The following CASD1 variants were observed in gnomAD, a reference collection of about 807,000 sequenced individuals.
The protein encoded by CASD1 is N-acetylneuraminate (7)9-O-acetyltransferase.
A neutral mutation model predicts 100.0 loss-of-function variants in CASD1; 41 were observed. The ratio of observed to expected loss-of-function variants is 0.41; its 90% CI spans 0.32 to 0.53. The LOEUF is 0.53. Ranked by LOEUF, CASD1 falls within the 20% of genes least tolerant of loss-of-function variation. The probability of loss-of-function intolerance (pLI) is 0.25; values close to 1 mark genes in which losing one functional copy is unlikely to be tolerated. For missense variants in CASD1, 774 were observed against 948.7 expected, an observed-to-expected ratio of 0.82 and a Z score of 2.42; for synonymous variants, 321 against 315.6, an observed-to-expected ratio of 1.02 and a Z score of -0.18.
At chr7:94,561,180 A>G (rs1796333521), downstream of CASD1, among the ~76,000 whole-genome samples, 1 of 152,068 alleles carries the variant, frequency 6.6e-6, no homozygotes, top group Admixed American at 6.6e-5. Context: ...CCAGAGGCAG[A>G]GGTTGCAATG....
chr7:94,511,848 C>G (rs535943132), intron 1 of CASD1, among the ~76,000 whole-genome samples: 2 of 152,228 alleles, frequency 1.3e-5, no homozygotes, highest in East Asian at 3.9e-4. Context: ...CAAGATCTGT[C>G]ATCAGCAGGG....
Position 94,555,826 on chromosome 7 carries a change from T to A in CASD1, c.*68T>A. 1.4e-6 allele frequency: 2 copies of A among 1,453,292 alleles called. No individual in the cohort carries two copies. Among genetic ancestry groups the A allele is most frequent in the South Asian group, 2.6e-5 (2 of 75,950 alleles). The allele number at this position is 1,453,292 out of a possible 1,614,324, so 90.0% of individuals were successfully genotyped here. A position where few individuals can be genotyped will look rare whatever the true frequency, so the allele number is the denominator to read the frequency against. ...TGTGTGTCTCTAGAAGAGAAAAGCA[T>A]CTATCTGGAGATATAAATGTGTATG... On this transcript the variant is annotated 3_prime_UTR_variant, in exon 18 of 18. Transcript: ENST00000297273.
chr7:94,517,731 A>C, intron 2 of CASD1, 75 bp downstream of exon 2: 1 of 849,498 alleles, frequency 1.2e-6, no homozygotes, highest in Non-Finnish European at 1.9e-6. Context: ...TTGGTGAAAC[A>C]GTACTTTTCA....
the CASD1 span, among the ~76,000 whole-genome samples, chr7:94,583,733 T>G: frequency 6.6e-6 from 1 of 152,188 alleles, no homozygotes; most frequent in East Asian, 1.9e-4. Context: ...TTATGCTGGC[T>G]AACTGAAAAG....
intron 5 of CASD1, among the ~76,000 whole-genome samples, chr7:94,529,754 T>C (rs1443700723): frequency 1.3e-5 from 2 of 152,130 alleles, no homozygotes; most frequent in Non-Finnish European, 2.9e-5. Flanking sequence ...AGGCAAAGGC[T>C]AACACAGAAT....
chr7:94,627,362 C>T, the CASD1 span: 7 of 151,998 alleles, frequency 4.6e-5, no homozygotes, highest in East Asian at 1.4e-3. Context: ...CTAGTATCTC[C>T]CAGCTACAAT....
At chr7:94,518,658 C>G (rs1189246666) in intron 3 of CASD1, among the ~76,000 whole-genome samples, 1 of 151,956 alleles carries the variant, frequency 6.6e-6, no homozygotes, top group Non-Finnish European at 1.5e-5. Context: ...TTTTTCCATA[C>G]TTCTTTTTGC....
the CASD1 span, chr7:94,600,482 T>G: frequency 1.7e-6 from 1 of 605,558 alleles, no homozygotes; most frequent in South Asian, 2.0e-5. Context: ...GACTCAAAAC[T>G]ATTTTAATTC....
At chr7:94,558,387 T>C (rs2374737), downstream of CASD1, among the ~76,000 whole-genome samples, 108,130 of 151,578 alleles carry the variant, frequency 0.71, 40,377 homozygotes, top group East Asian at 1. Context: ...TGGGAGTCTG[T>C]TGCATAACAG....
the CASD1 span, among the ~76,000 whole-genome samples, chr7:94,614,106 TCAA>T: frequency 7.3e-5 from 4 of 55,172 alleles, no homozygotes; most frequent in African/African-American, 8.6e-5. Flanking sequence ...CAAATTGAAA[TCAA>T]AAAAAAAAAA....
At chr7:94,619,704 A>T in the CASD1 span, 1 of 152,216 alleles carries the variant, frequency 6.6e-6, no homozygotes, top group African/African-American at 2.4e-5. Flanking sequence ...AAATGTATGT[A>T]CTGTGAGGCA....
intron 12 of CASD1, among the ~76,000 whole-genome samples, chr7:94,546,147 G>A (rs1795666809): frequency 6.6e-6 from 1 of 151,820 alleles, no homozygotes; most frequent in African/African-American, 2.4e-5. Context: ...CTTTGCAAAA[G>A]TCTTCTTATG....
chr7:94,628,781 A>C, the CASD1 span: 1 of 171,866 alleles, frequency 5.8e-6, no homozygotes, highest in African/African-American at 2.4e-5. Context: ...GTCTCATCAA[A>C]ACAAAAATAA....
At chr7:94,524,603 C>CAT (rs999956947) in intron 3 of CASD1, among the ~76,000 whole-genome samples, 3 of 152,024 alleles carry the variant, frequency 2.0e-5, no homozygotes, top group Non-Finnish European at 2.9e-5. Flanking sequence ...TGATGGTGAA[C>CAT]ATTTGTATGG....
At chr7:94,517,493 G>C in intron 1 of CASD1, 67 bp from the exon 2 acceptor site, 1 of 955,324 alleles carries the variant, frequency 1.0e-6, no homozygotes, top group Non-Finnish European at 1.6e-6. Flanking sequence ...ACTTATATAG[G>C]GTCAAGATAG....
Position 94,528,217 on chromosome 7 carries a change from T to C in CASD1, c.426T>C (p.Gly142=), listed in dbSNP as rs964943741. 3.4e-5 allele frequency: 54 copies of C among 1,609,952 alleles called. No homozygotes were observed. The highest frequency in any genetic ancestry group is 4.4e-5 in the Non-Finnish European group (52 of 1,178,254). Residue 142 remains glycine, a synonymous_variant, in exon 5 of 18, where the codon GGT becomes GGC. Transcript: ENST00000297273. ...VDFLWHPEVN[G]SMKQCIKVWT... is the part of the protein sequence containing the mutation. ...TTCTGTGGCATCCTGAAGTTAATGG[T>C]TCTATGAAACAGTGTATCAAAGTGT...
chr7:94,534,118 G>A (rs1794990395), intron 7 of CASD1, among the ~76,000 whole-genome samples: 1 of 147,342 alleles, frequency 6.8e-6, no homozygotes, highest in Non-Finnish European at 1.5e-5. Flanking sequence ...CATATTTATT[G>A]TGATTGGGAA....
At chr7:94,615,798 G>A in the CASD1 span, among the ~76,000 whole-genome samples, 4 of 152,082 alleles carry the variant, frequency 2.6e-5, no homozygotes, top group Non-Finnish European at 5.9e-5. Context: ...CTCGCCTGTG[G>A]TTGGCAGCCA....
intron 3 of CASD1, among the ~76,000 whole-genome samples, chr7:94,519,970 A>G (rs192477119): frequency 6.6e-6 from 1 of 152,344 alleles, no homozygotes; most frequent in African/African-American, 2.4e-5. Context: ...AGTAGATACA[A>G]TATGGTACAT....
Sources: gnomAD v4.1 joint callset for allele counts (sites outside exome capture counted in the v4.1 genomes callset) on GRCh38, gnomAD v4.1.1 for gene constraint, MANE v1.5 for transcripts, NCBI Gene and HGNC (gene_info 2026-07-23, HGNC 2026-07-21) for gene names.